Variants in KANK1 observed in about 807,000 individuals in gnomAD.
KANK1 encodes the protein KN motif and ankyrin repeat domains 1.
Under a neutral mutation model 106.2 loss-of-function variants are expected in KANK1, and 109 were observed. That is an observed-to-expected ratio of 1.03 (90% CI 0.88 to 1.20). The LOEUF (loss-of-function observed/expected upper bound fraction) is 1.20. Among genes scored for constraint, KANK1 ranks in the 50% most tolerant of loss-of-function variants. The pLI is 0.00. For synonymous variants in KANK1, 873 were observed against 652.2 expected (o/e 1.34, Z -5.16); for missense variants, 2,399 against 1,710.7 (o/e 1.40, Z -7.10).
chr9:710,621 AAAAAAAAAC>A (rs1459178309), intron 2 of KANK1, among the ~76,000 whole-genome samples, 174 bp from the exon 3 acceptor site: 1 of 128,162 alleles, frequency 7.8e-6, no homozygotes. Context: ...GTCTCAAAAA[AAAAAAAAAC>A]AAAAAAAAAC....
At chr9:506,052 G>A (rs528576987) in intron 1 of KANK1, among the ~76,000 whole-genome samples, 1 of 152,262 alleles carries the variant, frequency 6.6e-6, no homozygotes, top group African/African-American at 2.4e-5. Flanking sequence ...ACTCTTCTAA[G>A]GTCAAAATTC....
chr9:693,435 T>C (rs1820472222), intron 2 of KANK1: 1 of 985,426 alleles, frequency 1.0e-6, no homozygotes, highest in Non-Finnish European at 1.2e-6. Context: ...TTAACAGGCT[T>C]ACAGCTGCAT....
chr9:587,918 T>C (rs766660383), intron 1 of KANK1, among the ~76,000 whole-genome samples: 58 of 152,066 alleles, frequency 3.8e-4, no homozygotes, highest in Non-Finnish European at 5.1e-4. Flanking sequence ...ATACAAAAAT[T>C]AGCTGGGCGT....
In KANK1 at chr9:711,272, G is replaced by C. The variant is rs1397308910; in HGVS notation, c.506G>C (p.Arg169Thr). The part of the protein sequence containing the change: ...METRRRLEQE[R>T]ATMQMTPGEF... The stretch of plus-strand genomic sequence containing the variant: ...ACCCGGAGAAGACTGGAACAGGAGA[G>C]AGCCACCATGCAGATGACACCGGGT... Residue 169 changes from arginine to threonine, a missense_variant, in exon 3 of 12, where the codon AGA becomes ACA. By Grantham distance (71) the Arg-to-Thr change is moderately conservative. Transcript: ENST00000382297. 3 of 1,614,146 alleles carry C rather than the reference G, an allele frequency of 1.9e-6. No individual in the cohort carries two copies. The highest frequency in any genetic ancestry group is 3.3e-5 in the Admixed American group (2 of 60,014).
intron 1 of KANK1, among the ~76,000 whole-genome samples, chr9:607,631 C>T (rs1433671983): frequency 6.6e-6 from 1 of 151,650 alleles, no homozygotes; most frequent in Non-Finnish European, 1.5e-5. Flanking sequence ...TGCACATGTG[C>T]CTCACCCAGT....
At chr9:703,536 A>G (rs143188303) in intron 2 of KANK1, among the ~76,000 whole-genome samples, 2 of 152,244 alleles carry the variant, frequency 1.3e-5, no homozygotes, top group African/African-American at 4.8e-5. Context: ...AATTTTTGTA[A>G]ACACCAGGGA....
intron 3 of KANK1, among the ~76,000 whole-genome samples, chr9:723,278 C>T (rs536502857): frequency 7.2e-5 from 11 of 152,250 alleles, no homozygotes; most frequent in African/African-American, 2.4e-4. Context: ...TTAAAAAGCC[C>T]TAGTTTACAA....
chr9:625,966 C>G (rs888391488), intron 1 of KANK1, among the ~76,000 whole-genome samples: 3 of 152,098 alleles, frequency 2.0e-5, no homozygotes, highest in African/African-American at 7.2e-5. Context: ...AACTCCCCTG[C>G]ACTCCATTCA....
chr9:712,184 A>C lies in KANK1; in HGVS notation c.1418A>C (p.Glu473Ala). The change falls in exon 3 of 12, where the codon GAA becomes GCA. Residue 473 changes from glutamate to alanine, a missense_variant. Coordinates refer to ENST00000382297, the MANE Select transcript of KANK1 (RefSeq NM_015158.5). The part of the protein sequence containing the change: ...ESLKEKIYRL[E>A]VQLRETTHDR... The stretch of plus-strand genomic sequence containing the variant: ...TTGAAGGAAAAGATCTATCGCCTAG[A>C]AGTACAGCTTAGAGAAACCACCCAT... The C allele has an allele frequency of 6.2e-7, 1 of 1,614,200 alleles. No individual in the cohort carries two copies. Among genetic ancestry groups the C allele is most frequent in the Non-Finnish European group, 8.5e-7 (1 of 1,180,040 alleles).
intron 1 of KANK1, among the ~76,000 whole-genome samples, chr9:671,270 G>C (rs191270992): frequency 0.013 from 1,973 of 151,002 alleles, 49 homozygotes; most frequent in African/African-American, 0.046. Context: ...GGAAGTATTT[G>C]ATTTTTTGAA....
intron 1 of KANK1, among the ~76,000 whole-genome samples, chr9:505,839 G>GC (rs1304190133): frequency 6.6e-6 from 1 of 152,096 alleles, no homozygotes; most frequent in Admixed American, 6.5e-5. Flanking sequence ...CACCGTCATT[G>GC]CCCCCCACCT....
At chr9:636,013 T>C (rs971886112) in intron 1 of KANK1, among the ~76,000 whole-genome samples, 2 of 152,186 alleles carry the variant, frequency 1.3e-5, no homozygotes, top group African/African-American at 4.8e-5. Context: ...AGTTTCTGCG[T>C]GGTACATATA....
chr9:689,296 A>C (rs1452923997), intron 2 of KANK1, among the ~76,000 whole-genome samples: 2 of 152,190 alleles, frequency 1.3e-5, no homozygotes, highest in African/African-American at 4.8e-5. Context: ...ATAAAGGATA[A>C]GAAGACAGAA....
At chr9:649,752 G>A (rs1840472550) in intron 1 of KANK1, among the ~76,000 whole-genome samples, 2 of 152,118 alleles carry the variant, frequency 1.3e-5, no homozygotes, top group South Asian at 2.1e-4. Flanking sequence ...AGCTGGTACT[G>A]ATCTCGTTTT....
intron 1 of KANK1, among the ~76,000 whole-genome samples, chr9:638,066 A>G (rs1837559248): frequency 6.6e-6 from 1 of 152,218 alleles, no homozygotes; most frequent in East Asian, 1.9e-4. Flanking sequence ...CACACTGTTT[A>G]ATAGCCAAGC....
At chr9:637,166 T>C (rs1250935204) in intron 1 of KANK1, among the ~76,000 whole-genome samples, 1 of 152,218 alleles carries the variant, frequency 6.6e-6, no homozygotes, top group Non-Finnish European at 1.5e-5. Flanking sequence ...GTTGTCCTTC[T>C]CTCAACCCTA....
chr9:741,771 G>A (rs1172999693), intron 9 of KANK1, among the ~76,000 whole-genome samples: 1 of 151,996 alleles, frequency 6.6e-6, no homozygotes, highest in Non-Finnish European at 1.5e-5. Context: ...ACAGGCGTGA[G>A]CTACTGCGCC....
At chr9:494,264 A>G (rs2058424769) in intron 3 of KANK1, among the ~76,000 whole-genome samples, 1 of 152,200 alleles carries the variant, frequency 6.6e-6, no homozygotes, top group Non-Finnish European at 1.5e-5. Context: ...ATCTTTAAAG[A>G]TCTTCACTGA....
chr9:692,636 A>T (rs11999500), intron 2 of KANK1, among the ~76,000 whole-genome samples: 30,168 of 151,580 alleles, frequency 0.2, 3,256 homozygotes, highest in Non-Finnish European at 0.23. Context: ...CAGTTTTAGA[A>T]CATACCCATA....
Sources: allele counts gnomAD v4.1 joint callset (sites outside exome capture counted in the v4.1 genomes callset), GRCh38; gene constraint gnomAD v4.1.1; transcripts MANE v1.5; gene names NCBI Gene and HGNC (gene_info 2026-07-23, HGNC 2026-07-21).